Variants in SLC1A2 observed in about 807,000 individuals in gnomAD.
SLC1A2 encodes the protein solute carrier family 1 member 2, also known as excitatory amino acid transporter 2.
In SLC1A2, 15 loss-of-function variants were observed where a neutral mutation model predicts 48.8. The ratio of observed to expected loss-of-function variants is 0.31; its 90% CI spans 0.21 to 0.47. The LOEUF (loss-of-function observed/expected upper bound fraction) is 0.47. Ranked by LOEUF, SLC1A2 falls within the 20% of genes least tolerant of loss-of-function variation. The probability of loss-of-function intolerance (pLI) is 0.99; values close to 1 mark genes in which losing one functional copy is unlikely to be tolerated. For synonymous variants in SLC1A2, 279 were observed against 272.6 expected, an observed-to-expected ratio of 1.02 and a Z score of -0.23; for missense variants, 502 against 730.5, an observed-to-expected ratio of 0.69 and a Z score of 3.61.
At chr11:35,302,998 A>G (rs1326892356) in intron 5 of SLC1A2, among the ~76,000 whole-genome samples, 1 of 151,074 alleles carries the variant, frequency 6.6e-6, no homozygotes, top group African/African-American at 2.4e-5. Flanking sequence ...TCTGACTCTG[A>G]AGTATGAGCC....
At chr11:35,308,954 T>A (rs1242363213) in intron 4 of SLC1A2, among the ~76,000 whole-genome samples, 1 of 152,106 alleles carries the variant, frequency 6.6e-6, no homozygotes, top group African/African-American at 2.4e-5. Flanking sequence ...CTGAGCTGAG[T>A]TTACCTTCCT....
At chr11:35,333,827 ATTTTT>A (rs373988431) in intron 1 of SLC1A2, among the ~76,000 whole-genome samples, 4 of 126,172 alleles carry the variant, frequency 3.2e-5, no homozygotes, top group African/African-American at 6.0e-5. Context: ...ATGCCAGCTA[ATTTTT>A]TTTTTTTTTT....
intron 1 of SLC1A2, among the ~76,000 whole-genome samples, chr11:35,415,308 A>T (rs547892855): frequency 6.6e-6 from 1 of 152,372 alleles, no homozygotes; most frequent in South Asian, 2.1e-4. Flanking sequence ...TTTCTGCCTC[A>T]CAAGTTTCAT....
At chr11:35,292,626 C>T (rs2281634) in intron 6 of SLC1A2, 106 bp from the exon 7 acceptor site, 55,667 of 627,598 alleles carry the variant, frequency 0.089, 3,117 homozygotes, top group Middle Eastern at 0.21. Context: ...CTCTTCTGTA[C>T]AAAAAAAGAC....
intron 1 of SLC1A2, among the ~76,000 whole-genome samples, chr11:35,330,421 G>C (rs1591480622): frequency 6.6e-6 from 1 of 152,328 alleles, no homozygotes; most frequent in Middle Eastern, 3.4e-3. Flanking sequence ...GAAGGTGGTA[G>C]GGAGTACTGG....
At chr11:35,380,749 G>T (rs1040346691) in intron 1 of SLC1A2, among the ~76,000 whole-genome samples, 1 of 152,234 alleles carries the variant, frequency 6.6e-6, no homozygotes, top group African/African-American at 2.4e-5. Flanking sequence ...GAGTGTGTGG[G>T]TGTCTGCACG....
rs78604242 is a variant in SLC1A2 at position 35,339,278 on chromosome 11, T to C, written c.18-21762A>G. Among the ~76,000 whole-genome samples, 579 of 152,270 alleles carry C rather than the reference T, an allele frequency of 3.8e-3. 5 individuals carry two copies. Among genetic ancestry groups the C allele is most frequent in the Non-Finnish European group, 6.1e-3 (413 of 68,010 alleles). On this transcript the variant is annotated intron_variant, in intron 1 of 10. Coordinates refer to ENST00000278379, the MANE Select transcript of SLC1A2 (RefSeq NM_004171.4). Reference sequence around the variant, plus strand: ...GGGAATCTCAATGCGGTGAACAAGATTGTGGGTCAGGGCCCTTCTGTGTCA... The same window carrying C: ...GGGAATCTCAATGCGGTGAACAAGACTGTGGGTCAGGGCCCTTCTGTGTCA...
chr11:35,359,276 G>A (rs1436365787), intron 1 of SLC1A2, among the ~76,000 whole-genome samples: 8 of 152,240 alleles, frequency 5.3e-5, no homozygotes, highest in Admixed American at 5.2e-4. Flanking sequence ...GAGGCTGAAA[G>A]TAGAGGACAT....
At chr11:35,405,559 T>C (rs1052944021) in intron 1 of SLC1A2, among the ~76,000 whole-genome samples, 1 of 152,196 alleles carries the variant, frequency 6.6e-6, no homozygotes, top group Non-Finnish European at 1.5e-5. Context: ...TAGACAGACA[T>C]GATTCTGAGA....
At chr11:35,409,522 T>C (rs1855395747) in intron 1 of SLC1A2, among the ~76,000 whole-genome samples, 2 of 152,174 alleles carry the variant, frequency 1.3e-5, no homozygotes, top group African/African-American at 4.8e-5. Flanking sequence ...CAGATAACCA[T>C]CTTTCCATTG....
intron 1 of SLC1A2, among the ~76,000 whole-genome samples, chr11:35,361,705 G>A (rs1357360522): frequency 6.6e-6 from 1 of 151,934 alleles, no homozygotes; most frequent in Non-Finnish European, 1.5e-5. Context: ...AGCTGGGTAC[G>A]GTGGCTCACA....
intron 1 of SLC1A2, among the ~76,000 whole-genome samples, chr11:35,394,877 T>TAAG (rs1854903090): frequency 6.6e-6 from 1 of 152,230 alleles, no homozygotes; most frequent in Non-Finnish European, 1.5e-5. Context: ...AGAATACAGC[T>TAAG]GCAGGTATGT....
At chr11:35,303,952 T>A (rs1454145308) in intron 5 of SLC1A2, among the ~76,000 whole-genome samples, 1 of 152,188 alleles carries the variant, frequency 6.6e-6, no homozygotes, top group East Asian at 1.9e-4. Context: ...CAGAAGACCG[T>A]GGAAAGAACC....
intron 1 of SLC1A2, among the ~76,000 whole-genome samples, chr11:35,393,159 C>T (rs140309575): frequency 6.6e-6 from 1 of 152,286 alleles, no homozygotes; most frequent in East Asian, 1.9e-4. Context: ...AGGTTTGGGT[C>T]AGAGTGTGGT....
At chr11:35,274,066 A>AT (rs1334396294) in intron 9 of SLC1A2, among the ~76,000 whole-genome samples, 1 of 152,174 alleles carries the variant, frequency 6.6e-6, no homozygotes, top group African/African-American at 2.4e-5. Context: ...ATACTAAAAG[A>AT]TTTTTTAGAA....
intron 1 of SLC1A2, among the ~76,000 whole-genome samples, chr11:35,376,676 G>A (rs749744492): frequency 6.6e-6 from 1 of 152,022 alleles, no homozygotes; most frequent in Non-Finnish European, 1.5e-5. Flanking sequence ...TACTCATCTT[G>A]ATTTAACATT....
At chr11:35,289,838 T>C (rs1401226817) in intron 7 of SLC1A2, among the ~76,000 whole-genome samples, 1 of 152,074 alleles carries the variant, frequency 6.6e-6, no homozygotes, top group Non-Finnish European at 1.5e-5. Flanking sequence ...AAATGTCAAG[T>C]GAAGAGGAGG....
At chr11:35,326,382 T>G (rs3847615) in intron 1 of SLC1A2, among the ~76,000 whole-genome samples, 117,810 of 152,098 alleles carry the variant, frequency 0.77, 45,907 homozygotes, top group East Asian at 0.93. Flanking sequence ...GGCCTGGGAG[T>G]TTCTTCTAGC....
chr11:35,309,572 C>T (rs774411516), intron 4 of SLC1A2, among the ~76,000 whole-genome samples: 5 of 152,150 alleles, frequency 3.3e-5, no homozygotes, highest in African/African-American at 4.8e-5. Context: ...CAGGCCCTGT[C>T]GCCTGGGAGG....
Sources: allele counts gnomAD v4.1 joint callset (sites outside exome capture counted in the v4.1 genomes callset), GRCh38; gene constraint gnomAD v4.1.1; transcripts MANE v1.5; gene names NCBI Gene and HGNC (gene_info 2026-07-23, HGNC 2026-07-21).